The following GSE1 variants were observed in gnomAD, a reference collection of about 807,000 sequenced individuals.
GSE1 encodes genetic suppressor element 1.
A neutral mutation model predicts 112.6 loss-of-function variants in GSE1; 32 were observed. The observed-to-expected ratio is 0.28, with a 90% CI of 0.21 to 0.38. GSE1 has a LOEUF of 0.38. GSE1 is among the 10% of genes least tolerant of loss of function. The probability of loss-of-function intolerance (pLI) is 1.00; values close to 1 mark genes in which losing one functional copy is unlikely to be tolerated. For synonymous variants in GSE1, 1,115 were observed against 735.6 expected, an observed-to-expected ratio of 1.52 and a Z score of -8.35; for missense variants, 2,348 against 1,699.2, an observed-to-expected ratio of 1.38 and a Z score of -6.71.
rs185145371 is a variant in GSE1 at position 85,189,534 on chromosome 16, G to A, written c.2283+17727G>A. Among the ~76,000 whole-genome samples the A allele has an allele frequency of 1.1e-3, 171 of 152,334 alleles. 1 individual carries two copies. The highest frequency in any genetic ancestry group is 0.01 in the Admixed American group (156 of 15,304). On this transcript the variant is annotated intron_variant, in intron 1 of 2. Transcript: ENST00000637419. ...GGAAAAACAATAAAAATGGCATTAAGTATATGTCTTTAAAAACCACAGTAA... is the reference window on the plus strand; with the variant it reads ...GGAAAAACAATAAAAATGGCATTAAATATATGTCTTTAAAAACCACAGTAA...
At chr16:85,192,362 A>G (rs1287326392) in intron 1 of GSE1, among the ~76,000 whole-genome samples, 1 of 152,220 alleles carries the variant, frequency 6.6e-6, no homozygotes, top group African/African-American at 2.4e-5. Context: ...TAATAGCCAT[A>G]TGTCTATTGG....
At chr16:85,429,073 G>A (rs1010727353) in intron 2 of GSE1, among the ~76,000 whole-genome samples, 24 of 152,176 alleles carry the variant, frequency 1.6e-4, no homozygotes, top group Admixed American at 9.8e-4. Context: ...CGAAGCCTCC[G>A]CACGCTGCAT....
chr16:85,401,597 A>T (rs973151815), intron 2 of GSE1, among the ~76,000 whole-genome samples: 1 of 152,140 alleles, frequency 6.6e-6, no homozygotes, highest in African/African-American at 2.4e-5. Context: ...CGGCCCATCC[A>T]GGTGAGGGCC....
At chr16:85,452,336 A>G (rs2049710230) in intron 2 of GSE1, among the ~76,000 whole-genome samples, 1 of 152,004 alleles carries the variant, frequency 6.6e-6, no homozygotes, top group Non-Finnish European at 1.5e-5. Flanking sequence ...CCGGTAATTA[A>G]CAGCGGGTGC....
intron 2 of GSE1, among the ~76,000 whole-genome samples, chr16:85,499,965 T>A (rs2051307388): frequency 6.6e-6 from 1 of 152,200 alleles, no homozygotes; most frequent in African/African-American, 2.4e-5. Flanking sequence ...AGAAATCCCA[T>A]GCTGGGGAAT....
intron 1 of GSE1, among the ~76,000 whole-genome samples, chr16:85,578,006 C>T (rs993329667): frequency 2.0e-5 from 3 of 152,264 alleles, no homozygotes; most frequent in Admixed American, 1.3e-4. Flanking sequence ...TCTTTCTTTG[C>T]TGTCAGCCAC....
chr16:85,651,162 C>T (rs1413689112), intron 3 of GSE1, among the ~76,000 whole-genome samples: 4 of 150,866 alleles, frequency 2.7e-5, no homozygotes, highest in African/African-American at 4.9e-5. Context: ...CCCACAGATG[C>T]GCCCTGATGC....
intron 2 of GSE1, among the ~76,000 whole-genome samples, chr16:85,430,135 CTTACAACA>C (rs2049085296): frequency 6.6e-6 from 1 of 152,206 alleles, no homozygotes; most frequent in Non-Finnish European, 1.5e-5. Context: ...TTTTTGAGCA[CTTACAACA>C]TCCCAGGGGC....
At chr16:85,478,706 C>T (rs1056076735) in intron 2 of GSE1, among the ~76,000 whole-genome samples, 11 of 151,330 alleles carry the variant, frequency 7.3e-5, no homozygotes, top group Admixed American at 2.0e-4. Context: ...CTGGCTCTGT[C>T]GCCCAGGCTG....
intron 1 of GSE1, among the ~76,000 whole-genome samples, chr16:85,271,638 C>T (rs192247897): frequency 1.2e-4 from 18 of 152,298 alleles, no homozygotes; most frequent in African/African-American, 3.1e-4. Context: ...CAGTCAGGGC[C>T]GTATGTACAG....
intron 2 of GSE1, among the ~76,000 whole-genome samples, chr16:85,365,881 A>G (rs951434339): frequency 6.6e-6 from 1 of 152,108 alleles, no homozygotes; most frequent in Non-Finnish European, 1.5e-5. Context: ...AGCTTCTGCT[A>G]TGTGGCAGAT....
chr16:85,316,821 G>T (rs1354010873), intron 1 of GSE1, among the ~76,000 whole-genome samples: 4 of 152,194 alleles, frequency 2.6e-5, no homozygotes, highest in African/African-American at 9.7e-5. Context: ...GGGTGTCAGG[G>T]GCTGAACCTG....
intron 1 of GSE1, among the ~76,000 whole-genome samples, chr16:85,220,393 C>T (rs2075370808): frequency 6.6e-6 from 1 of 152,180 alleles, no homozygotes; most frequent in Non-Finnish European, 1.5e-5. Flanking sequence ...GGCGGCGGCG[C>T]AGATGGAAAC....
intron 2 of GSE1, among the ~76,000 whole-genome samples, chr16:85,534,533 C>T (rs1208847390): frequency 6.6e-6 from 1 of 152,204 alleles, no homozygotes; most frequent in Non-Finnish European, 1.5e-5. Context: ...CAGAGTCCCT[C>T]CAGCCTGTGG....
intron 2 of GSE1, among the ~76,000 whole-genome samples, chr16:85,378,665 G>A (rs146002689): frequency 3.9e-4 from 59 of 152,334 alleles, no homozygotes; most frequent in Admixed American, 9.8e-4. Context: ...ACCCATCTTA[G>A]AGACCAGGAG....
chr16:85,312,971 A>G (rs1237719343), intron 1 of GSE1, among the ~76,000 whole-genome samples: 1 of 152,092 alleles, frequency 6.6e-6, no homozygotes, highest in Non-Finnish European at 1.5e-5. Flanking sequence ...AGCGGGCCTC[A>G]GGGCCAGCCG....
intron 1 of GSE1, chr16:85,593,806 C>T (rs1598311925): frequency 6.6e-6 from 1 of 152,226 alleles, no homozygotes; most frequent in African/African-American, 2.4e-5. Context: ...TTGGTTTGGC[C>T]ACAGCAAGCT....
At chr16:85,665,326 C>T (rs1036819361) in intron 12 of GSE1, among the ~76,000 whole-genome samples, 198 bp downstream of exon 12, 2 of 152,234 alleles carry the variant, frequency 1.3e-5, no homozygotes, top group South Asian at 2.1e-4. Context: ...AAGGCGGGCT[C>T]AGAGTTGAGG....
intron 2 of GSE1, among the ~76,000 whole-genome samples, chr16:85,444,665 T>TGTGCACACATGCACAC (rs1233130560): frequency 1.3e-5 from 2 of 151,728 alleles, no homozygotes; most frequent in Non-Finnish European, 2.9e-5. Context: ...TCTCCATGCA[T>TGTGCACACATGCACAC]GTGCACACAT....
Sources: allele counts gnomAD v4.1 joint callset (sites outside exome capture counted in the v4.1 genomes callset), GRCh38; gene constraint gnomAD v4.1.1; transcripts MANE v1.5; gene names NCBI Gene and HGNC (gene_info 2026-07-23, HGNC 2026-07-21).